The following JMJD1C variants were observed in gnomAD, a reference collection of about 807,000 sequenced individuals.
The protein encoded by JMJD1C is jumonji domain-containing protein 1C.
A neutral mutation model predicts 245.3 loss-of-function variants in JMJD1C; 31 were observed. That is an observed-to-expected ratio of 0.13 (90% CI 0.09 to 0.17). The LOEUF is 0.17. JMJD1C is among the 10% of genes least tolerant of loss of function. The pLI is 1.00. For missense variants in JMJD1C, 2,691 were observed against 3,000.2 expected, an observed-to-expected ratio of 0.90 and a Z score of 2.41; for synonymous variants, 1,057 against 1,017.4, an observed-to-expected ratio of 1.04 and a Z score of -0.74.
chr10:63,230,741 C>G (rs1849859610), intron 3 of JMJD1C, among the ~76,000 whole-genome samples: 1 of 151,730 alleles, frequency 6.6e-6, no homozygotes, highest in East Asian at 2.0e-4. Context: ...TGTTACTGTA[C>G]TCCAGCCTAG....
At chr10:63,316,246 T>C (rs1017776079) in intron 2 of JMJD1C, among the ~76,000 whole-genome samples, 2 of 152,258 alleles carry the variant, frequency 1.3e-5, no homozygotes, top group African/African-American at 4.8e-5. Context: ...GCATTTGGCT[T>C]GAAAATTTTT....
intron 2 of JMJD1C, among the ~76,000 whole-genome samples, chr10:63,365,011 T>C (rs767734944): frequency 6.6e-6 from 1 of 152,242 alleles, no homozygotes; most frequent in Non-Finnish European, 1.5e-5. Flanking sequence ...AGACCCTTTA[T>C]GATTTGATCA....
At chr10:63,222,617 G>A (rs1029720474) in intron 3 of JMJD1C, 2 of 1,592,572 alleles carry the variant, frequency 1.3e-6, no homozygotes, top group Non-Finnish European at 8.6e-7. Flanking sequence ...AAACTCACAT[G>A]CTGAATTTTT....
intron 1 of JMJD1C, among the ~76,000 whole-genome samples, chr10:63,412,665 T>A (rs946012348): frequency 6.6e-6 from 1 of 152,240 alleles, no homozygotes. Context: ...AATAGTGCCA[T>A]GTCACGTCTC....
intron 2 of JMJD1C, among the ~76,000 whole-genome samples, chr10:63,323,318 G>GT: frequency 6.6e-6 from 1 of 152,288 alleles, no homozygotes; most frequent in African/African-American, 2.4e-5. Context: ...GAGGTCAGGA[G>GT]TTTGAGTCCA....
rs1841990803 is a variant in JMJD1C, at chr10:63,167,885, T to G, written c.*160A>C. On this transcript the variant is annotated 3_prime_UTR_variant, in exon 26 of 26. Transcript: ENST00000399262. ...ACATTGAATCACAGGAGCTGTGACA[T>G]ATGCTATACTGCTGTGGTGTCAGTA... The G allele has an allele frequency of 1.8e-6, 1 of 543,010 alleles. No individual in the cohort carries two copies. Among genetic ancestry groups the G allele is most frequent in the South Asian group, 2.9e-5 (1 of 34,892 alleles). The allele number at this position is 543,010 out of a possible 1,614,324, so 33.6% of individuals were successfully genotyped here. A position where few individuals can be genotyped will look rare whatever the true frequency, so the allele number is the denominator to read the frequency against.
At chr10:63,278,110 C>G (rs1338356739) in intron 2 of JMJD1C, among the ~76,000 whole-genome samples, 4 of 151,876 alleles carry the variant, frequency 2.6e-5, no homozygotes, top group East Asian at 1.9e-4. Flanking sequence ...TTAAACAAAA[C>G]TTTTATCAAG....
chr10:63,238,346 C>T (rs184752594), intron 3 of JMJD1C, among the ~76,000 whole-genome samples: 18 of 150,728 alleles, frequency 1.2e-4, no homozygotes, highest in Non-Finnish European at 1.5e-4. Context: ...GAAAGTTTAA[C>T]GTATTTAGAA....
At chr10:63,490,473 T>C (rs1170552270) in intron 1 of JMJD1C, among the ~76,000 whole-genome samples, 1 of 151,410 alleles carries the variant, frequency 6.6e-6, no homozygotes, top group Non-Finnish European at 1.5e-5. Context: ...TGGAGTGCAG[T>C]GGTGCAATCT....
intron 1 of JMJD1C, among the ~76,000 whole-genome samples, chr10:63,512,988 T>C (rs1410830482): frequency 6.6e-6 from 1 of 152,172 alleles, no homozygotes; most frequent in Non-Finnish European, 1.5e-5. Context: ...ATCAATGAAA[T>C]TCTTCATTTG....
intron 24 of JMJD1C, among the ~76,000 whole-genome samples, chr10:63,169,563 G>C (rs1056709726): frequency 3.9e-5 from 6 of 152,256 alleles, no homozygotes; most frequent in Admixed American, 2.0e-4. Flanking sequence ...ATTGATGATA[G>C]GGTGATGGAA....
Position 63,465,318 on chromosome 10 carries a change from C to A in JMJD1C, c.168+177G>T, listed in dbSNP as rs545709202. On this transcript the variant is annotated intron_variant, in intron 1 of 25. Coordinates refer to ENST00000399262, the MANE Select transcript of JMJD1C (RefSeq NM_032776.3). Reference sequence around the variant, plus strand: ...CACCACCTCCACAGGGGAAGCCGCTCGGAGAGACGCAGGGACCCAGGCAAG... The same window carrying A: ...CACCACCTCCACAGGGGAAGCCGCTAGGAGAGACGCAGGGACCCAGGCAAG... 1.3e-5 allele frequency: 9 copies of A among 673,148 alleles called. No individual in the cohort carries two copies. The South Asian group carries it at 1.6e-4, about 12-fold the overall frequency. The allele number at this position is 673,148 out of a possible 1,614,324, so 41.7% of individuals were successfully genotyped here.
chr10:63,407,165 A>G (rs1363076866), intron 1 of JMJD1C, among the ~76,000 whole-genome samples: 1 of 152,186 alleles, frequency 6.6e-6, no homozygotes, highest in Non-Finnish European at 1.5e-5. Flanking sequence ...CTAGACTCTC[A>G]GATTTCTCCC....
chr10:63,284,535 C>G (rs1468945439), intron 2 of JMJD1C, among the ~76,000 whole-genome samples: 1 of 152,156 alleles, frequency 6.6e-6, no homozygotes, highest in Non-Finnish European at 1.5e-5. Context: ...CCTTCATTAA[C>G]TTCATCCATA....
Position 63,213,946 on chromosome 10 carries a change from G to A in JMJD1C, c.2221C>T (p.His741Tyr). The A allele has an allele frequency of 6.2e-7, 1 of 1,614,046 alleles. No homozygotes were observed. The highest frequency in any genetic ancestry group is 2.2e-5 in the East Asian group (1 of 44,868). Residue 741 changes from histidine (H) to tyrosine (Y), a missense_variant, in exon 8 of 26, where the codon CAC becomes TAC. Transcript: ENST00000399262. The part of the protein sequence containing the change: ...PFLSQHPFPL[H>Y]SSSHRTCLNP... ...AAACAGGTTCTATGAGATGAGGAGTGAAGAGGAAAAGGATGCTGGCTTAGG... is the reference window on the plus strand; with the variant it reads ...AAACAGGTTCTATGAGATGAGGAGTAAAGAGGAAAAGGATGCTGGCTTAGG...
At chr10:63,351,437 A>G (rs1235402109) in intron 2 of JMJD1C, among the ~76,000 whole-genome samples, 1 of 152,212 alleles carries the variant, frequency 6.6e-6, no homozygotes, top group Non-Finnish European at 1.5e-5. Context: ...AATAATTCCA[A>G]TATATGTATT....
intron 1 of JMJD1C, among the ~76,000 whole-genome samples, chr10:63,473,291 G>A (rs1406634710): frequency 6.6e-6 from 1 of 151,972 alleles, no homozygotes; most frequent in Non-Finnish European, 1.5e-5. Context: ...TGTCATCCAG[G>A]CTGGAGTGCA....
At chr10:63,204,192 C>T (rs747638592) in intron 10 of JMJD1C, 6 of 985,166 alleles carry the variant, frequency 6.1e-6, no homozygotes, top group Non-Finnish European at 7.2e-6. Context: ...ACTCTGTCCA[C>T]AATTAATAGA....
chr10:63,215,986 A>G (rs1205307219), intron 5 of JMJD1C, among the ~76,000 whole-genome samples: 1 of 152,248 alleles, frequency 6.6e-6, no homozygotes, highest in East Asian at 1.9e-4. Flanking sequence ...AACAATTCTT[A>G]AATTACTTTT....
Sources: allele counts gnomAD v4.1 joint callset (sites outside exome capture counted in the v4.1 genomes callset), GRCh38; gene constraint gnomAD v4.1.1; transcripts MANE v1.5; gene names NCBI Gene and HGNC (gene_info 2026-07-23, HGNC 2026-07-21).